Variants in SPINT2 observed in about 807,000 individuals in gnomAD.
SPINT2 encodes serine peptidase inhibitor, Kunitz type 2.
In SPINT2, 18 loss-of-function variants were observed where a neutral mutation model predicts 30.1. The ratio of observed to expected loss-of-function variants is 0.60; its 90% CI spans 0.41 to 0.89. The LOEUF (loss-of-function observed/expected upper bound fraction) is 0.89. SPINT2 is among the 40% of genes least tolerant of loss of function. The pLI is 0.00. For missense variants in SPINT2, 276 were observed against 334.3 expected (o/e 0.83, Z 1.36); for synonymous variants, 139 against 137.9 (o/e 1.01, Z -0.05).
At chr19:38,268,550 C>T (rs1253027754) in intron 1 of SPINT2, among the ~76,000 whole-genome samples, 2 of 152,182 alleles carry the variant, frequency 1.3e-5, no homozygotes, top group African/African-American at 4.8e-5. Flanking sequence ...TGGCAGGAGC[C>T]GAGTACCTCT....
rs375397957 is a variant in SPINT2, at chr19:38,269,123, G to A, written c.106+4125G>A. ...TTTTTTTGGGTTTTTTTTTGAGACG[G>A]AGTCTCTCTCATCGCCCAGTCTGGA... On this transcript the variant is annotated intron_variant, in intron 1 of 6. Coordinates refer to ENST00000301244, the MANE Select transcript of SPINT2 (RefSeq NM_021102.4). 1.4e-3 allele frequency among the ~76,000 whole-genome samples: 218 copies of A among 152,036 alleles called. 1 individual carries two copies. The highest frequency in any genetic ancestry group is 5.2e-3 in the African/African-American group (215 of 41,456).
chr19:38,264,743 G>T lies in SPINT2; in HGVS notation c.-150G>T. 1.3e-6 allele frequency: 1 copy of T among 778,320 alleles called. No homozygotes were observed. The highest frequency in any genetic ancestry group is 2.0e-6 in the Non-Finnish European group (1 of 492,620). 48.2% of individuals were successfully genotyped at this position (778,320 alleles called of 1,614,324 possible). A position where few individuals can be genotyped will look rare whatever the true frequency, so the allele number is the denominator to read the frequency against. The stretch of plus-strand genomic sequence containing the variant: ...CTGAAGGTCCGGAAAGGCGACTTCC[G>T]GGGGCTTTGGCACCTGGCGGACCCT... On this transcript the variant is annotated 5_prime_UTR_variant, in exon 1 of 7. Coordinates refer to ENST00000301244, the MANE Select transcript of SPINT2 (RefSeq NM_021102.4).
At chr19:38,265,838 A>G (rs1968371744) in intron 1 of SPINT2, among the ~76,000 whole-genome samples, 1 of 152,250 alleles carries the variant, frequency 6.6e-6, no homozygotes, top group Non-Finnish European at 1.5e-5. Flanking sequence ...GCTGGTTATA[A>G]CAGTTAACTC....
chr19:38,275,706 A>G (rs558442910), intron 1 of SPINT2, among the ~76,000 whole-genome samples: 1 of 150,746 alleles, frequency 6.6e-6, no homozygotes, highest in African/African-American at 2.4e-5. Flanking sequence ...TATAGGTATG[A>G]GCCACCATGC....
intron 1 of SPINT2, among the ~76,000 whole-genome samples, chr19:38,279,812 C>T (rs1372790942): frequency 6.6e-6 from 1 of 152,112 alleles, no homozygotes; most frequent in African/African-American, 2.4e-5. Context: ...CACCACCATG[C>T]CCAGCTAATT....
chr19:38,292,257 A>G lies in SPINT2; in HGVS notation c.*251A>G. On this transcript the variant is annotated 3_prime_UTR_variant, in exon 7 of 7. Transcript: ENST00000301244. ...CCTCGCTGATCGATTTCTTTCCTCC[A>G]GGTAGAGTTTTCTTTGCTTATGTTG... 2.1e-6 allele frequency: 1 copy of G among 470,400 alleles called. No homozygotes were observed. The highest frequency in any genetic ancestry group is 2.7e-5 in the South Asian group (1 of 37,188). 29.1% of individuals were successfully genotyped at this position (470,400 alleles called of 1,614,324 possible).
chr19:38,279,537 G>C (rs957463542), intron 1 of SPINT2, among the ~76,000 whole-genome samples: 2 of 151,724 alleles, frequency 1.3e-5, no homozygotes, highest in Admixed American at 6.6e-5. Context: ...TATATACAAA[G>C]CAGTGACACA....
intron 1 of SPINT2, among the ~76,000 whole-genome samples, chr19:38,278,437 G>A (rs567317829): frequency 1.3e-5 from 2 of 152,310 alleles, no homozygotes; most frequent in South Asian, 4.1e-4. Context: ...TTTGTAAAGC[G>A]GAGATATTAT....
intron 6 of SPINT2, chr19:38,291,309 G>A (rs374414828): frequency 6.2e-6 from 1 of 162,458 alleles, no homozygotes; most frequent in Non-Finnish European, 1.4e-5. Flanking sequence ...AGACTGCAGT[G>A]GGGCAGACAC....
At chr19:38,273,012 G>A (rs553339340) in intron 1 of SPINT2, among the ~76,000 whole-genome samples, 206 of 152,208 alleles carry the variant, frequency 1.4e-3, no homozygotes, top group Non-Finnish European at 2.4e-3. Flanking sequence ...GTGAGCCACC[G>A]TGCCCGGCCT....
intron 1 of SPINT2, among the ~76,000 whole-genome samples, chr19:38,266,064 A>G (rs1021853839): frequency 6.6e-6 from 1 of 152,234 alleles, no homozygotes; most frequent in Non-Finnish European, 1.5e-5. Flanking sequence ...GAGCTCTAAC[A>G]TGAAGAATGA....
intron 2 of SPINT2, among the ~76,000 whole-genome samples, chr19:38,286,089 G>C (rs1341298131): frequency 6.6e-6 from 1 of 152,172 alleles, no homozygotes; most frequent in East Asian, 1.9e-4. Flanking sequence ...TGGCTGCAAT[G>C]TGTGTCTCTC....
chr19:38,282,406 G>A (rs929500733), intron 1 of SPINT2, among the ~76,000 whole-genome samples: 2 of 152,154 alleles, frequency 1.3e-5, no homozygotes, highest in African/African-American at 4.8e-5. Context: ...TGAAGGCCAG[G>A]GTTAGGGAGG....
Position 38,283,738 on chromosome 19 carries a change from G to A in SPINT2, c.218G>A (p.Gly73Glu). ...CTGTTTGTGTATGGGGGCTGTGACG[G>A]AAACAGCAATAATTACCTGACCAAG... ...CQLFVYGGCD[G>E]NSNNYLTKEE... is the part of the protein sequence containing the mutation. The change falls in exon 2 of 7, where the codon GGA becomes GAA. Residue 73 changes from glycine (G) to glutamate (E), a missense_variant. Physicochemically the swap from Gly to Glu is moderately conservative, Grantham distance 98. Coordinates refer to ENST00000301244, the MANE Select transcript of SPINT2 (RefSeq NM_021102.4). 1 of 1,613,862 alleles carries A rather than the reference G, an allele frequency of 6.2e-7. No homozygotes were observed. The highest frequency in any genetic ancestry group is 8.5e-7 in the Non-Finnish European group (1 of 1,179,956).
At chr19:38,286,519 C>T (rs530782089) in intron 2 of SPINT2, among the ~76,000 whole-genome samples, 4 of 152,300 alleles carry the variant, frequency 2.6e-5, no homozygotes, top group East Asian at 1.9e-4. Context: ...CGGCGGCTCA[C>T]GCCTGTAATC....
At chr19:38,284,974 G>A (rs750015160) in intron 2 of SPINT2, among the ~76,000 whole-genome samples, 37 of 151,886 alleles carry the variant, frequency 2.4e-4, no homozygotes, top group Non-Finnish European at 4.1e-4. Context: ...CCTTAACCTC[G>A]CAAAGTGCTG....
chr19:38,278,054 A>G (rs577874867), intron 1 of SPINT2, among the ~76,000 whole-genome samples: 8 of 152,298 alleles, frequency 5.3e-5, no homozygotes, highest in African/African-American at 1.7e-4. Flanking sequence ...GCATTTTGTC[A>G]TTTCATAATA....
At chr19:38,270,544 G>A (rs889616978) in intron 1 of SPINT2, among the ~76,000 whole-genome samples, 3 of 152,160 alleles carry the variant, frequency 2.0e-5, no homozygotes, top group African/African-American at 7.2e-5. Flanking sequence ...GTCAGGGTTG[G>A]TGTGCTTAGC....
chr19:38,286,612 C>T (rs1021055034), intron 2 of SPINT2, among the ~76,000 whole-genome samples: 16 of 152,064 alleles, frequency 1.1e-4, no homozygotes, highest in African/African-American at 3.6e-4. Context: ...AACTCCGTCT[C>T]TACTCAAAAT....
Sources: gnomAD v4.1 joint callset for allele counts (sites outside exome capture counted in the v4.1 genomes callset) on GRCh38, gnomAD v4.1.1 for gene constraint, MANE v1.5 for transcripts, NCBI Gene and HGNC (gene_info 2026-07-23, HGNC 2026-07-21) for gene names.